DPYD: variants seen among roughly 807,000 people sequenced by gnomAD.
The protein encoded by DPYD is dihydropyrimidine dehydrogenase [NADP(+)].
A neutral mutation model predicts 116.2 loss-of-function variants in DPYD; 109 were observed. The ratio of observed to expected loss-of-function variants is 0.94; its 90% confidence interval spans 0.80 to 1.10. DPYD has a LOEUF of 1.10. DPYD is among the 50% of genes least tolerant of loss of function. The pLI is 0.00. For synonymous variants in DPYD, 440 were observed against 432.0 expected (o/e 1.02, Z -0.23); for missense variants, 1,302 against 1,254.5 (o/e 1.04, Z -0.57).
chr1:97,693,106 C>T (rs544845579), intron 6 of DPYD, among the ~76,000 whole-genome samples: 1 of 151,624 alleles, frequency 6.6e-6, no homozygotes, highest in East Asian at 1.9e-4. Context: ...CTGGCTAACA[C>T]GGTGAAACCC....
intron 7 of DPYD, among the ~76,000 whole-genome samples, chr1:97,687,218 C>A (rs1660785045): frequency 6.6e-6 from 1 of 152,098 alleles, no homozygotes; most frequent in Admixed American, 6.5e-5. Context: ...TTGAAGTGAG[C>A]CAAGATAGTG....
chr1:97,644,940 G>A (rs1658169438), intron 8 of DPYD, among the ~76,000 whole-genome samples: 2 of 151,984 alleles, frequency 1.3e-5, no homozygotes, highest in Admixed American at 6.6e-5. Context: ...GCATACACAA[G>A]AAAAATTTTA....
intron 8 of DPYD, among the ~76,000 whole-genome samples, chr1:97,660,615 TTCTC>T: frequency 6.6e-6 from 1 of 151,760 alleles, no homozygotes; most frequent in Admixed American, 6.6e-5. Flanking sequence ...TCAAGGTTCT[TTCTC>T]TCTCTCTCTT....
intron 20 of DPYD, among the ~76,000 whole-genome samples, chr1:97,134,010 AAAAAATATATATATATATAT>A (rs1304543225): frequency 1.6e-4 from 6 of 36,980 alleles, no homozygotes; most frequent in East Asian, 1.0e-3. Flanking sequence ...AAAAAAAAAA[AAAAAATATATATATATATAT>A]ATATATATAT....
intron 18 of DPYD, among the ~76,000 whole-genome samples, chr1:97,260,698 G>A (rs1663818252): frequency 6.6e-6 from 1 of 152,076 alleles, no homozygotes; most frequent in African/African-American, 2.4e-5. Flanking sequence ...AGGACACATG[G>A]TGATTTTCAT....
At chr1:97,331,465 G>C (rs1668997578) in intron 16 of DPYD, among the ~76,000 whole-genome samples, 1 of 152,098 alleles carries the variant, frequency 6.6e-6, no homozygotes, top group South Asian at 2.1e-4. Flanking sequence ...GGATGACAGA[G>C]CAAGACCCTG....
At chr1:97,884,022 A>C (rs907842615) in intron 1 of DPYD, among the ~76,000 whole-genome samples, 2 of 151,944 alleles carry the variant, frequency 1.3e-5, no homozygotes, top group African/African-American at 4.8e-5. Flanking sequence ...AAATCTAATA[A>C]TGTTATCATT....
intron 3 of DPYD, among the ~76,000 whole-genome samples, chr1:97,779,746 T>C (rs1001254236): frequency 1.3e-5 from 2 of 150,736 alleles, no homozygotes; most frequent in African/African-American, 4.9e-5. Context: ...TGGTTGCATC[T>C]TTTTTTTTGG....
In DPYD at chr1:97,838,702, G is replaced by A. The variant is rs575727313; in HGVS notation, c.151-10506C>T. ...CTACTAAAAATACAAAAAATTAGCC[G>A]GGCGCGGTGGCGGGCGCCTGTAGTC... is the stretch of plus-strand genomic sequence containing the variant. On this transcript the variant is annotated intron_variant, in intron 2 of 22. Transcript: ENST00000370192. Among the ~76,000 whole-genome samples the A allele has an allele frequency of 1.2e-3, 187 of 152,118 alleles. No homozygotes were observed. The Middle Eastern group carries it at 0.024, about 20-fold the overall frequency.
At chr1:97,173,334 G>GTA (rs1489766162) in intron 20 of DPYD, among the ~76,000 whole-genome samples, 2 of 143,396 alleles carry the variant, frequency 1.4e-5, no homozygotes, top group East Asian at 4.1e-4. Context: ...ACACATATAT[G>GTA]TGTATATATG....
intron 16 of DPYD, 39 bp from the exon 17 acceptor site, chr1:97,306,336 A>G: frequency 6.2e-7 from 1 of 1,611,084 alleles, no homozygotes; most frequent in Non-Finnish European, 8.5e-7. Context: ...ACAAAATTAA[A>G]GAATTGTGAT....
rs1038148871 is a variant in DPYD at position 97,529,674 on chromosome 1, TTC to T, written c.1525-13735_1525-13734del. On this transcript the variant is annotated intron_variant, in intron 12 of 22. Transcript: ENST00000370192. ...ATCCCTTCCTTTTTTTCTTTTCTCT[TTC>T]TCTTTTCTTTTCTTTCTTTCCTTTC... Among the ~76,000 whole-genome samples the T allele has an allele frequency of 6.8e-4, 102 of 149,330 alleles. 2 individuals are homozygous for T. Among genetic ancestry groups the T allele is most frequent in the African/African-American group, 2.2e-3 (89 of 41,022 alleles).
chr1:97,442,428 A>G lies in DPYD; in HGVS notation c.1905+7631T>C, dbSNP rs185645695. On this transcript the variant is annotated intron_variant, in intron 14 of 22. Transcript: ENST00000370192. The stretch of plus-strand genomic sequence containing the variant: ...CTATGTCAAGAAAATACTTGGCTAC[A>G]TGGAGCCGTAAACTAATCACAGAAC... 1.2e-3 allele frequency among the ~76,000 whole-genome samples: 181 copies of G among 151,320 alleles called. 2 individuals carry two copies. The highest frequency in any genetic ancestry group is 0.011 in the Admixed American group (165 of 15,102).
chr1:97,583,478 T>C (rs1354877153), intron 10 of DPYD, among the ~76,000 whole-genome samples: 1 of 152,170 alleles, frequency 6.6e-6, no homozygotes, highest in African/African-American at 2.4e-5. Flanking sequence ...CTCACAAAAC[T>C]ACGTTCTGTG....
intron 6 of DPYD, among the ~76,000 whole-genome samples, chr1:97,696,386 T>C (rs1273539077): frequency 6.6e-6 from 1 of 152,046 alleles, no homozygotes; most frequent in African/African-American, 2.4e-5. Context: ...TTGCTTAGAA[T>C]AGAGAAAGAG....
At chr1:97,674,248 T>G (rs1660023355) in intron 8 of DPYD, among the ~76,000 whole-genome samples, 1 of 152,178 alleles carries the variant, frequency 6.6e-6, no homozygotes. Flanking sequence ...AAGCACTTGG[T>G]GTTGAAAAAG....
intron 20 of DPYD, among the ~76,000 whole-genome samples, chr1:97,149,655 A>C (rs1654879506): frequency 6.6e-6 from 1 of 152,202 alleles, no homozygotes; most frequent in African/African-American, 2.4e-5. Flanking sequence ...TTGGGGACCC[A>C]ATGAAAAGTA....
rs528139517 is a variant in DPYD, at chr1:97,361,470, C to G, written c.2058+12091G>C. Among the ~76,000 whole-genome samples, 397 of 152,256 alleles carry G rather than the reference C, an allele frequency of 2.6e-3. 1 individual carries two copies. The highest frequency in any genetic ancestry group is 9.1e-3 in the African/African-American group (377 of 41,548). ...CTCATCTTATGAGGCCAGCATTATC[C>G]TGATACCAAAGCCTGGCAGAGACAC... On this transcript the variant is annotated intron_variant, in intron 16 of 22. Transcript: ENST00000370192.
At chr1:97,100,321 C>A (rs1354956455) in intron 20 of DPYD, among the ~76,000 whole-genome samples, 1 of 151,988 alleles carries the variant, frequency 6.6e-6, no homozygotes, top group Non-Finnish European at 1.5e-5. Context: ...AAAAAAATGC[C>A]TTTGGGGTCA....
Sources: allele counts gnomAD v4.1 joint callset (sites outside exome capture counted in the v4.1 genomes callset), GRCh38; gene constraint gnomAD v4.1.1; transcripts MANE v1.5; gene names NCBI Gene and HGNC (gene_info 2026-07-23, HGNC 2026-07-21).